Variants in TMTC2 observed in about 807,000 individuals in gnomAD.
The protein encoded by TMTC2 is transmembrane O-mannosyltransferase targeting cadherins 2.
In TMTC2, 43 loss-of-function variants were observed where a neutral mutation model predicts 82.4. That is an observed-to-expected ratio of 0.52 (90% confidence interval 0.41 to 0.67). The LOEUF (loss-of-function observed/expected upper bound fraction) is 0.67, where lower values mean the gene tolerates loss of function less well. TMTC2 is among the 30% of genes least tolerant of loss of function. TMTC2 has a pLI of 0.00. For synonymous variants in TMTC2, 408 were observed against 381.9 expected, an observed-to-expected ratio of 1.07 and a Z score of -0.80; for missense variants, 919 against 1,012.4, an observed-to-expected ratio of 0.91 and a Z score of 1.25.
In TMTC2 at chr12:82,752,147, C is replaced by CATTTT. The variant is rs58427886; in HGVS notation, c.83+64478_83+64479insATTTT. 9.5e-4 allele frequency among the ~76,000 whole-genome samples: 131 copies of CATTTT among 137,934 alleles called. 59 individuals carry two copies. The highest frequency in any genetic ancestry group is 1.3e-3 in the Admixed American group (18 of 13,464). 90.5% of individuals were successfully genotyped at this position (137,934 alleles called of 152,430 possible). ...ATGTTTTTATATTTATTGGAAGCTCCTTTTTTTTTTTTTTTTTTTCTGAAG... is the reference window on the plus strand; with the variant it reads ...ATGTTTTTATATTTATTGGAAGCTCCATTTTTTTTTTTTTTTTTTTTTTTCTGAAG... On this transcript the variant is annotated intron_variant, in intron 1 of 11. Transcript: ENST00000321196.
Position 82,686,978 on chromosome 12 carries a change from TGGG to T in TMTC2, c.-607_-605del. ...CTTCACTGGAGAAGGGAGCTGGGGC[TGGG>T]GCTGGGGCTGGGGCTGGGAGGGAGC... On this transcript the variant is annotated 5_prime_UTR_variant, in exon 1 of 12. Coordinates refer to ENST00000321196, the MANE Select transcript of TMTC2 (RefSeq NM_152588.3). 2.0e-5 allele frequency: 3 copies of T among 153,474 alleles called. No individual in the cohort carries two copies. Among genetic ancestry groups the T allele is most frequent in the Non-Finnish European group, 4.4e-5 (3 of 68,882 alleles). 9.5% of individuals were successfully genotyped at this position (153,474 alleles called of 1,614,324 possible). A position where few individuals can be genotyped will look rare whatever the true frequency, so the allele number is the denominator to read the frequency against.
chr12:82,822,816 T>G (rs1869191910), intron 1 of TMTC2, among the ~76,000 whole-genome samples: 1 of 152,232 alleles, frequency 6.6e-6, no homozygotes, highest in Non-Finnish European at 1.5e-5. Flanking sequence ...GTAGTCATTT[T>G]GTGCTTCGTA....
At chr12:82,873,351 C>T (rs935415552) in intron 2 of TMTC2, among the ~76,000 whole-genome samples, 1 of 148,386 alleles carries the variant, frequency 6.7e-6, no homozygotes, top group African/African-American at 2.6e-5. Flanking sequence ...TGTTTTTTCA[C>T]TTGTGCCTTT....
chr12:82,815,774 T>G, intron 1 of TMTC2, among the ~76,000 whole-genome samples: 1 of 152,082 alleles, frequency 6.6e-6, no homozygotes, highest in East Asian at 1.9e-4. Flanking sequence ...CTCAATAAAC[T>G]TCAGACTGAC....
At chr12:82,763,006 A>G (rs1227315514) in intron 1 of TMTC2, among the ~76,000 whole-genome samples, 1 of 151,308 alleles carries the variant, frequency 6.6e-6, no homozygotes, top group Non-Finnish European at 1.5e-5. Flanking sequence ...TTTATAAATA[A>G]TTAGTTAATT....
intron 3 of TMTC2, among the ~76,000 whole-genome samples, chr12:82,908,039 G>A (rs975056430): frequency 4.6e-5 from 7 of 152,088 alleles, no homozygotes; most frequent in African/African-American, 1.4e-4. Context: ...TTGCACCCAG[G>A]GGGCGGAGGT....
intron 8 of TMTC2, among the ~76,000 whole-genome samples, chr12:83,017,585 T>G (rs1880730165): frequency 1.3e-5 from 2 of 152,180 alleles, no homozygotes; most frequent in Admixed American, 1.3e-4. Flanking sequence ...TGATTTTAGG[T>G]CTCACTGCTT....
chr12:83,052,727 A>G (rs1373757190), intron 10 of TMTC2, among the ~76,000 whole-genome samples: 1 of 152,178 alleles, frequency 6.6e-6, no homozygotes, highest in Non-Finnish European at 1.5e-5. Context: ...TGTATTACAA[A>G]ATAAAGTCCT....
At chr12:82,855,983 T>C (rs1399211007) in intron 1 of TMTC2, among the ~76,000 whole-genome samples, 2 of 152,228 alleles carry the variant, frequency 1.3e-5, no homozygotes, top group African/African-American at 4.8e-5. Context: ...GAATTAGCCA[T>C]GAAGCTCTGT....
chr12:83,101,305 A>C (rs1469979037), intron 11 of TMTC2, among the ~76,000 whole-genome samples: 1 of 152,184 alleles, frequency 6.6e-6, no homozygotes, highest in East Asian at 1.9e-4. Flanking sequence ...GTATTGATTT[A>C]TTTTCCTTCT....
chr12:83,051,106 C>A lies in TMTC2; in HGVS notation c.2267+88C>A, dbSNP rs1317149907. The stretch of plus-strand genomic sequence containing the variant: ...TTTTCCCATCATACACCTTATTCCA[C>A]ATTCTCAATGTGAGTCAATCACGCT... On this transcript the variant is annotated intron_variant, in intron 10 of 11. Coordinates refer to ENST00000321196, the MANE Select transcript of TMTC2 (RefSeq NM_152588.3). 2.7e-5 allele frequency: 23 copies of A among 853,776 alleles called. No homozygotes were observed. In the East Asian group the frequency reaches 6.1e-4, roughly 23 times the overall value. 52.9% of individuals were successfully genotyped at this position (853,776 alleles called of 1,614,324 possible).
intron 11 of TMTC2, among the ~76,000 whole-genome samples, chr12:83,107,809 A>T (rs773543819): frequency 6.6e-6 from 1 of 152,106 alleles, no homozygotes; most frequent in Non-Finnish European, 1.5e-5. Context: ...TATTTAAATC[A>T]CCACGCTGAA....
At chr12:82,962,233 A>G (rs966334109) in intron 4 of TMTC2, among the ~76,000 whole-genome samples, 10 of 152,022 alleles carry the variant, frequency 6.6e-5, no homozygotes, top group African/African-American at 1.2e-4. Flanking sequence ...TCAGTTTTCA[A>G]TGATTTTGGG....
At chr12:82,749,228 T>C (rs1043547816) in intron 1 of TMTC2, among the ~76,000 whole-genome samples, 2 of 152,238 alleles carry the variant, frequency 1.3e-5, no homozygotes, top group Admixed American at 6.5e-5. Flanking sequence ...TATAACCTTC[T>C]TTTCCTGCCT....
intron 2 of TMTC2, among the ~76,000 whole-genome samples, chr12:82,864,285 G>A (rs1871703269): frequency 6.6e-6 from 1 of 151,880 alleles, no homozygotes; most frequent in Non-Finnish European, 1.5e-5. Context: ...GTTTCAAAAT[G>A]TGCTCCTACT....
intron 3 of TMTC2, among the ~76,000 whole-genome samples, chr12:82,911,301 C>A (rs1447089134): frequency 6.6e-6 from 1 of 151,996 alleles, no homozygotes; most frequent in African/African-American, 2.4e-5. Context: ...TGGGTGGAGC[C>A]CTAGCAAGGA....
Position 83,128,582 on chromosome 12 carries a change from A to T in TMTC2, c.2332-3628A>T, listed in dbSNP as rs559685323. 3.9e-5 allele frequency among the ~76,000 whole-genome samples: 6 copies of T among 152,300 alleles called. No individual in the cohort carries two copies. The South Asian group carries it at 1.2e-3, about 32-fold the overall frequency. The stretch of plus-strand genomic sequence containing the variant: ...AAGCTGTGAAATGATATAATCTATG[A>T]TCTAGAAATTACCTTTAGAACAGTG... On this transcript the variant is annotated intron_variant, in intron 11 of 11. Transcript: ENST00000321196.
chr12:82,898,699 G>A (rs1379888775), intron 3 of TMTC2, among the ~76,000 whole-genome samples: 1 of 152,196 alleles, frequency 6.6e-6, no homozygotes, highest in African/African-American at 2.4e-5. Context: ...AAGAGAGGGA[G>A]AAAGGGCAAA....
At chr12:82,992,650 T>C (rs1200064556) in intron 8 of TMTC2, among the ~76,000 whole-genome samples, 2 of 152,186 alleles carry the variant, frequency 1.3e-5, no homozygotes, top group Admixed American at 6.5e-5. Context: ...ATTGTATTAT[T>C]TTTACTCTGA....
Sources: allele counts gnomAD v4.1 joint callset (sites outside exome capture counted in the v4.1 genomes callset), GRCh38; gene constraint gnomAD v4.1.1; transcripts MANE v1.5; gene names NCBI Gene and HGNC (gene_info 2026-07-23, HGNC 2026-07-21).